Variants in SLC41A3 observed in about 807,000 individuals in gnomAD.
SLC41A3 encodes SLC41A1-like 2.
SLC41A3 carries 44 observed loss-of-function variants against 45.4 expected under a neutral mutation model. That is an observed-to-expected ratio of 0.97 (90% CI 0.76 to 1.25). The LOEUF (loss-of-function observed/expected upper bound fraction) is 1.25, where lower values mean the gene tolerates loss of function less well. Ranked by LOEUF, SLC41A3 falls within the 50% of genes most tolerant of loss-of-function variation. SLC41A3 has a pLI of 0.00. For missense variants in SLC41A3, 550 were observed against 600.6 expected (o/e 0.92, Z 0.88); for synonymous variants, 256 against 252.4 (o/e 1.01, Z -0.13).
chr3:126,007,297 G>GA, intron 10 of SLC41A3, 72 bp from the exon 11 acceptor site: 1 of 1,497,558 alleles, frequency 6.7e-7, no homozygotes, highest in Non-Finnish European at 9.1e-7. Flanking sequence ...AGCACTAGCT[G>GA]AGGCTCAAGG....
intron 6 of SLC41A3, among the ~76,000 whole-genome samples, chr3:126,017,137 C>A (rs1940379774): frequency 6.6e-6 from 1 of 152,252 alleles, no homozygotes; most frequent in Admixed American, 6.5e-5. Flanking sequence ...GTACCCTGTT[C>A]TGCCTCCTCC....
intron 3 of SLC41A3, among the ~76,000 whole-genome samples, chr3:126,036,918 C>T (rs1402141629): frequency 6.6e-6 from 1 of 152,140 alleles, no homozygotes; most frequent in East Asian, 1.9e-4. Context: ...TCAAAGTCAA[C>T]AGAGAGAGCT....
intron 2 of SLC41A3, among the ~76,000 whole-genome samples, chr3:126,051,303 G>A (rs1408065845): frequency 6.6e-6 from 1 of 152,246 alleles, no homozygotes; most frequent in East Asian, 1.9e-4. Flanking sequence ...GCCAGCGGGT[G>A]GCAGCCATGC....
chr3:126,067,831 G>C, intron 2 of SLC41A3, 116 bp downstream of exon 2: 2 of 1,301,988 alleles, frequency 1.5e-6, no homozygotes, highest in Non-Finnish European at 2.1e-6. Context: ...AAAAAAAAAT[G>C]GCTTTTCAAG....
At chr3:126,080,821 C>T (rs148251833) in intron 1 of SLC41A3, among the ~76,000 whole-genome samples, 1 of 152,144 alleles carries the variant, frequency 6.6e-6, no homozygotes, top group Non-Finnish European at 1.5e-5. Flanking sequence ...TGTGGTGACA[C>T]ACGCCTGTAG....
intron 1 of SLC41A3, among the ~76,000 whole-genome samples, chr3:126,097,947 A>C (rs755272858): frequency 6.6e-5 from 10 of 152,212 alleles, no homozygotes; most frequent in Non-Finnish European, 1.5e-4. Context: ...CCCCTTACAC[A>C]GAGCACTTGC....
At chr3:126,014,038 ATT>A in intron 8 of SLC41A3, among the ~76,000 whole-genome samples, 1 of 152,276 alleles carries the variant, frequency 6.6e-6, no homozygotes, top group East Asian at 1.9e-4. Flanking sequence ...CATGCTGAGC[ATT>A]CCTTCTGTGG....
intron 9 of SLC41A3, among the ~76,000 whole-genome samples, chr3:126,009,512 C>T (rs1375378533): frequency 6.6e-6 from 1 of 152,086 alleles, no homozygotes; most frequent in Non-Finnish European, 1.5e-5. Context: ...TGACCCTGGC[C>T]CTACCACAAA....
chr3:126,097,387 G>T (rs1426593649), intron 1 of SLC41A3, among the ~76,000 whole-genome samples: 2 of 152,146 alleles, frequency 1.3e-5, no homozygotes, highest in Non-Finnish European at 2.9e-5. Context: ...CCAGGAAATG[G>T]CCTCTCCCTG....
At chr3:126,062,174 G>A (rs1273115288) in intron 2 of SLC41A3, among the ~76,000 whole-genome samples, 1 of 152,148 alleles carries the variant, frequency 6.6e-6, no homozygotes, top group Admixed American at 6.5e-5. Flanking sequence ...CTAAACCTGG[G>A]GAGAACAAAA....
At chr3:126,039,407 C>A (rs988026675) in intron 3 of SLC41A3, among the ~76,000 whole-genome samples, 2 of 152,182 alleles carry the variant, frequency 1.3e-5, no homozygotes, top group African/African-American at 2.4e-5. Flanking sequence ...GGATGTCTCT[C>A]AATTTGGGTT....
At chr3:126,086,764 C>T (rs1429640953), upstream of SLC41A3, among the ~76,000 whole-genome samples, 3 of 151,930 alleles carry the variant, frequency 2.0e-5, no homozygotes, top group Admixed American at 6.6e-5. Context: ...ATTTAAAAGT[C>T]TAAGGGAAAA....
chr3:126,026,630 G>A lies in SLC41A3; in HGVS notation c.454-151C>T, dbSNP rs1941377701. 1 of 1,074,892 alleles carries A rather than the reference G, an allele frequency of 9.3e-7. No individual in the cohort carries two copies. Among genetic ancestry groups the A allele is most frequent in the Non-Finnish European group, 1.3e-6 (1 of 752,270 alleles). The allele number at this position is 1,074,892 out of a possible 1,614,324, so 66.6% of individuals were successfully genotyped here. Reference sequence around the variant, plus strand: ...AAAATCTCACAGGCCCTCACCCCAGGAAAAACTAATACCACACCCCACACC... The same window carrying A: ...AAAATCTCACAGGCCCTCACCCCAGAAAAAACTAATACCACACCCCACACC... On this transcript the variant is annotated intron_variant, in intron 4 of 10. Coordinates refer to ENST00000360370, the MANE Select transcript of SLC41A3 (RefSeq NM_017836.4). The surrounding 1 kb of genome is among the most constrained non-coding windows in gnomAD (Gnocchi z 4.2).
intron 7 of SLC41A3, among the ~76,000 whole-genome samples, chr3:126,016,286 C>A (rs1006187323): frequency 1.3e-5 from 2 of 148,844 alleles, no homozygotes; most frequent in Non-Finnish European, 3.0e-5. Flanking sequence ...TGTCTAGGTC[C>A]CACCAGTAGC....
At chr3:126,008,031 C>G (rs1246189490) in intron 10 of SLC41A3, among the ~76,000 whole-genome samples, 1 of 152,238 alleles carries the variant, frequency 6.6e-6, no homozygotes, top group Non-Finnish European at 1.5e-5. Flanking sequence ...AGCAGCAGAC[C>G]CTGCAGGGGT....
At chr3:126,030,444 T>C (rs1347776267) in intron 4 of SLC41A3, among the ~76,000 whole-genome samples, 3 of 152,120 alleles carry the variant, frequency 2.0e-5, no homozygotes, top group Non-Finnish European at 4.4e-5. Flanking sequence ...ACTTCTCTAG[T>C]AGTTAGGAAA....
chr3:126,072,381 A>T (rs1559883863), intron 1 of SLC41A3, among the ~76,000 whole-genome samples: 3 of 151,820 alleles, frequency 2.0e-5, no homozygotes, highest in Non-Finnish European at 4.4e-5. Context: ...ATAAAAAAAA[A>T]AAAAGGCCAG....
At chr3:126,085,397 G>C (rs550942925), upstream of SLC41A3, 1 of 152,254 alleles carries the variant, frequency 6.6e-6, no homozygotes, top group South Asian at 2.1e-4. Context: ...CCCAGCGTGG[G>C]GCCTCAGAGA....
At chr3:126,083,539 C>G (rs1015261297) in intron 1 of SLC41A3, among the ~76,000 whole-genome samples, 18 of 152,128 alleles carry the variant, frequency 1.2e-4, no homozygotes, top group African/African-American at 4.3e-4. Flanking sequence ...GAGGTTTGCA[C>G]CGAGCCCACC....
Sources: allele counts gnomAD v4.1 joint callset (sites outside exome capture counted in the v4.1 genomes callset), GRCh38; gene constraint gnomAD v4.1.1; non-coding constraint Gnocchi (gnomAD v3.1); transcripts MANE v1.5; gene names NCBI Gene and HGNC (gene_info 2026-07-23, HGNC 2026-07-21).